SCHIP1: variants seen among roughly 807,000 people sequenced by gnomAD.
SCHIP1 encodes the protein schwannomin-interacting protein 1.
Under a neutral mutation model 29.7 loss-of-function variants are expected in SCHIP1, and 8 were observed. That is an observed-to-expected ratio of 0.27 (90% CI 0.16 to 0.49). The LOEUF (loss-of-function observed/expected upper bound fraction) is 0.49, where lower values mean the gene tolerates loss of function less well. Ranked by LOEUF, SCHIP1 falls within the 20% of genes least tolerant of loss-of-function variation. The pLI is 0.99. For missense variants in SCHIP1, 193 were observed against 294.6 expected (o/e 0.66, Z 2.52); for synonymous variants, 76 against 94.9 (o/e 0.80, Z 1.16).
the SCHIP1 span, among the ~76,000 whole-genome samples, chr3:159,702,910 G>A: frequency 1.2e-3 from 189 of 152,314 alleles, no homozygotes; most frequent in African/African-American, 4.5e-3. Flanking sequence ...GAAACAAGTA[G>A]ACCTATCAGT....
chr3:159,310,443 C>T, the SCHIP1 span, among the ~76,000 whole-genome samples: 836 of 152,150 alleles, frequency 5.5e-3, 9 homozygotes, highest in African/African-American at 0.019. Flanking sequence ...TAATTGAGTT[C>T]CTCTGTTCAT....
At chr3:159,627,164 A>G in the SCHIP1 span, among the ~76,000 whole-genome samples, 2 of 152,158 alleles carry the variant, frequency 1.3e-5, no homozygotes, top group African/African-American at 4.8e-5. Flanking sequence ...TTTGCTGAGA[A>G]TGATGGTTTT....
At chr3:159,695,380 A>G in the SCHIP1 span, among the ~76,000 whole-genome samples, 2 of 151,746 alleles carry the variant, frequency 1.3e-5, no homozygotes, top group Non-Finnish European at 1.5e-5. Flanking sequence ...TGTCTTCCCT[A>G]CTCTCTTCTT....
chr3:159,545,792 T>G, the SCHIP1 span, among the ~76,000 whole-genome samples: 3 of 150,508 alleles, frequency 2.0e-5, no homozygotes, highest in Non-Finnish European at 4.4e-5. Context: ...GTCCCTCTGT[T>G]GGTTCTGCAC....
At chr3:159,688,796 A>G in the SCHIP1 span, among the ~76,000 whole-genome samples, 4 of 152,214 alleles carry the variant, frequency 2.6e-5, no homozygotes, top group Non-Finnish European at 5.9e-5. Context: ...GAAAGGGTCC[A>G]GTTCCAGTTT....
the SCHIP1 span, among the ~76,000 whole-genome samples, chr3:159,462,143 A>G: frequency 6.6e-6 from 1 of 152,100 alleles, no homozygotes; most frequent in African/African-American, 2.4e-5. Flanking sequence ...CCAGGAGGCG[A>G]GGTTGCAGTG....
the SCHIP1 span, among the ~76,000 whole-genome samples, chr3:159,494,398 G>A: frequency 4.0e-5 from 6 of 151,876 alleles, no homozygotes; most frequent in Non-Finnish European, 7.4e-5. Flanking sequence ...TCAAACAGAC[G>A]CAATAAAAAA....
At chr3:159,536,062 C>T in the SCHIP1 span, among the ~76,000 whole-genome samples, 1 of 152,194 alleles carries the variant, frequency 6.6e-6, no homozygotes, top group South Asian at 2.1e-4. Context: ...GCTCAATAGC[C>T]ATATTTCAAT....
the SCHIP1 span, among the ~76,000 whole-genome samples, chr3:159,727,017 G>A: frequency 6.5e-3 from 996 of 152,210 alleles, 13 homozygotes; most frequent in African/African-American, 0.023. Flanking sequence ...GCCCATTGAG[G>A]ACACCACCTG....
At chr3:159,350,877 A>C in the SCHIP1 span, among the ~76,000 whole-genome samples, 3 of 152,164 alleles carry the variant, frequency 2.0e-5, no homozygotes, top group Non-Finnish European at 4.4e-5. Flanking sequence ...TGATGATTTT[A>C]AGCTGGAATC....
the SCHIP1 span, among the ~76,000 whole-genome samples, chr3:159,608,008 G>A: frequency 5.3e-5 from 8 of 152,266 alleles, no homozygotes; most frequent in African/African-American, 1.9e-4. Flanking sequence ...AGCTGTGAGG[G>A]ACCAAGAGAA....
the SCHIP1 span, among the ~76,000 whole-genome samples, chr3:159,329,340 A>G: frequency 6.6e-6 from 1 of 152,366 alleles, no homozygotes; most frequent in African/African-American, 2.4e-5. Flanking sequence ...TTTTCAATGA[A>G]AGAATGAGTG....
At chr3:159,807,255 G>T in the SCHIP1 span, among the ~76,000 whole-genome samples, 3 of 152,160 alleles carry the variant, frequency 2.0e-5, no homozygotes, top group Non-Finnish European at 4.4e-5. Flanking sequence ...ACAGTCCCCT[G>T]TTTTAACCTG....
At chr3:159,703,542 G>A in the SCHIP1 span, among the ~76,000 whole-genome samples, 4 of 151,678 alleles carry the variant, frequency 2.6e-5, no homozygotes, top group Non-Finnish European at 5.9e-5. Context: ...ATATTTTAGG[G>A]AAAAAAAATA....
chr3:159,762,808 T>C, the SCHIP1 span, among the ~76,000 whole-genome samples: 1 of 152,194 alleles, frequency 6.6e-6, no homozygotes, highest in African/African-American at 2.4e-5. Context: ...CCGTACGTTT[T>C]TGAAAACGCC....
At chr3:159,477,771 T>C in the SCHIP1 span, among the ~76,000 whole-genome samples, 1 of 152,190 alleles carries the variant, frequency 6.6e-6, no homozygotes, top group African/African-American at 2.4e-5. Flanking sequence ...GCAAAAACTT[T>C]TTAGCTTGAT....
the SCHIP1 span, among the ~76,000 whole-genome samples, chr3:159,709,076 G>A: frequency 6.6e-6 from 1 of 151,476 alleles, no homozygotes; most frequent in African/African-American, 2.4e-5. Context: ...GATCAACATG[G>A]GGGAAGGGTG....
At chr3:159,446,871 C>T in the SCHIP1 span, among the ~76,000 whole-genome samples, 1 of 152,184 alleles carries the variant, frequency 6.6e-6, no homozygotes, top group Non-Finnish European at 1.5e-5. Flanking sequence ...TTATTAAGAG[C>T]ATGAGCAGTG....
chr3:159,675,593 A>G, the SCHIP1 span, among the ~76,000 whole-genome samples: 3 of 152,178 alleles, frequency 2.0e-5, no homozygotes, highest in African/African-American at 7.2e-5. Context: ...GTCTGCACAA[A>G]GTGTTTAGAG....
Sources: allele counts gnomAD v4.1 joint callset (sites outside exome capture counted in the v4.1 genomes callset), GRCh38; gene constraint gnomAD v4.1.1; transcripts MANE v1.5; gene names NCBI Gene and HGNC (gene_info 2026-07-23, HGNC 2026-07-21).